MFSD2B: variants seen among roughly 807,000 people sequenced by gnomAD.
MFSD2B encodes sphingosine-1-phosphate transporter MFSD2B.
A neutral mutation model predicts 58.4 loss-of-function variants in MFSD2B; 56 were observed. The ratio of observed to expected loss-of-function variants is 0.96; its 90% confidence interval spans 0.77 to 1.20. The LOEUF (loss-of-function observed/expected upper bound fraction) is 1.20. Ranked by LOEUF, MFSD2B falls within the 50% of genes most tolerant of loss-of-function variation. MFSD2B has a pLI of 0.00. For synonymous variants in MFSD2B, 287 were observed against 294.4 expected (o/e 0.97, Z 0.26); for missense variants, 645 against 667.6 (o/e 0.97, Z 0.37).
rs1229492990 is a variant in MFSD2B, at chr2:24,017,420, C to T, written c.551-38C>T. 6.3e-7 allele frequency: 1 copy of T among 1,597,032 alleles called. No individual in the cohort carries two copies. Among genetic ancestry groups the T allele is most frequent in the South Asian group, 1.1e-5 (1 of 88,058 alleles). On this transcript the variant is annotated intron_variant, in intron 5 of 13. Coordinates refer to ENST00000338315, the MANE Select transcript of MFSD2B (RefSeq NM_001346880.2). The surrounding 1 kb of genome is among the most constrained non-coding windows in gnomAD (Gnocchi z 4.8). ...GGAGGCAACTGCCCCTGGGACCCCA[C>T]TCCCTCTCAGTCACCTTAAGTGGCA...
Position 24,012,189 on chromosome 2 carries a change from C to T in MFSD2B, c.97-1096C>T, listed in dbSNP as rs1573630096. ...ACACACACACACACACAAAAACAGA[C>T]AAAAAAACCCTGCAATAGCAAGCCA... On this transcript the variant is annotated intron_variant, in intron 1 of 13. Coordinates refer to ENST00000338315, the MANE Select transcript of MFSD2B (RefSeq NM_001346880.2). This position sits in a 1 kb window ranked among gnomAD's most constrained non-coding sequence, Gnocchi z 4.5. Among the ~76,000 whole-genome samples, 1 of 132,140 alleles carries T rather than the reference C, an allele frequency of 7.6e-6. No individual in the cohort carries two copies. 86.7% of individuals were successfully genotyped at this position (132,140 alleles called of 152,430 possible).
Position 24,012,320 on chromosome 2 carries a change from C to T in MFSD2B, c.97-965C>T, listed in dbSNP as rs1256404139. Among the ~76,000 whole-genome samples the T allele has an allele frequency of 6.6e-6, 1 of 152,114 alleles. No homozygotes were observed. The highest frequency in any genetic ancestry group is 1.5e-5 in the Non-Finnish European group (1 of 68,020). On this transcript the variant is annotated intron_variant, in intron 1 of 13. Coordinates refer to ENST00000338315, the MANE Select transcript of MFSD2B (RefSeq NM_001346880.2). The surrounding 1 kb of genome is among the most constrained non-coding windows in gnomAD (Gnocchi z 4.5). Reference sequence around the variant, plus strand: ...GGAGTGCAGTGGTGTGATATTTGCTCACTGCAACCTCTGCCTCCCTGGTTC... The same window carrying T: ...GGAGTGCAGTGGTGTGATATTTGCTTACTGCAACCTCTGCCTCCCTGGTTC...
At chr2:24,025,010 G>A (rs1301507730) in intron 13 of MFSD2B, among the ~76,000 whole-genome samples, 1 of 152,172 alleles carries the variant, frequency 6.6e-6, no homozygotes, top group Non-Finnish European at 1.5e-5. Context: ...AGGCCAAGCA[G>A]GTACTCAGGA....
At position 24,021,590 on chromosome 2, in the gene MFSD2B, T is replaced by G; in HGVS notation, c.682-58T>G. The G allele has an allele frequency of 6.7e-7, 1 of 1,498,764 alleles. No homozygotes were observed. The highest frequency in any genetic ancestry group is 2.4e-5 in the East Asian group (1 of 41,938). The allele number at this position is 1,498,764 out of a possible 1,614,324, so 92.8% of individuals were successfully genotyped here. A position where few individuals can be genotyped will look rare whatever the true frequency, so the allele number is the denominator to read the frequency against. ...AGGCAGTACTGCCCTGCCCCTCCGGTGTCACCACCTCCAGGGGTTGAAGAC... is the reference window on the plus strand; with the variant it reads ...AGGCAGTACTGCCCTGCCCCTCCGGGGTCACCACCTCCAGGGGTTGAAGAC... On this transcript the variant is annotated intron_variant, in intron 6 of 13. Transcript: ENST00000338315. This position sits in a 1 kb window ranked among gnomAD's most constrained non-coding sequence, Gnocchi z 5.7.
Position 24,024,225 on chromosome 2 carries a change from C to G in MFSD2B, c.1444C>G (p.Pro482Ala). The stretch of plus-strand genomic sequence containing the variant: ...CTGCATCCTCATGGTCGGCTCCACT[C>G]CAAAGACACCCAGTCGGGACGCCTC... ...GLCILMVGST[P>A]KTPSRDASSR... is the part of the protein sequence containing the mutation. Residue 482 changes from proline to alanine, a missense_variant, in exon 13 of 14, where the codon CCA becomes GCA. Transcript: ENST00000338315. This position sits in a 1 kb window ranked among gnomAD's most constrained non-coding sequence, Gnocchi z 4.3. 6.2e-7 allele frequency: 1 copy of G among 1,612,858 alleles called. No individual in the cohort carries two copies. Among genetic ancestry groups the G allele is most frequent in the African/African-American group, 1.3e-5 (1 of 75,032 alleles).
Position 24,024,070 on chromosome 2 carries a change from T to C in MFSD2B, c.1314-25T>C. The C allele has an allele frequency of 6.2e-7, 1 of 1,611,724 alleles. No homozygotes were observed. Among genetic ancestry groups the C allele is most frequent in the Non-Finnish European group, 8.5e-7 (1 of 1,178,708 alleles). ...GTGCCAGGCTCAGCAGGCCCTGCCC[T>C]AATGGCTGGCTGATGTTTCTCCAGG... is the stretch of plus-strand genomic sequence containing the variant. On this transcript the variant is annotated intron_variant, in intron 12 of 13. Transcript: ENST00000338315. This position sits in a 1 kb window ranked among gnomAD's most constrained non-coding sequence, Gnocchi z 4.3.
intron 6 of MFSD2B, among the ~76,000 whole-genome samples, chr2:24,019,146 C>T (rs1374434246): frequency 3.3e-5 from 5 of 152,056 alleles, no homozygotes; most frequent in South Asian, 2.1e-4. Context: ...CCACCGCGCT[C>T]GACCTGTGCT....
At chr2:24,025,392 C>A (rs771447527) in intron 13 of MFSD2B, 40 bp from the exon 14 acceptor site, 1 of 1,533,738 alleles carries the variant, frequency 6.5e-7, no homozygotes, top group South Asian at 1.2e-5. Context: ...GGGCCCACAC[C>A]ACTTCCATCC....
chr2:24,011,909 C>A (rs1403571141), intron 1 of MFSD2B, among the ~76,000 whole-genome samples: 1 of 152,044 alleles, frequency 6.6e-6, no homozygotes, highest in Non-Finnish European at 1.5e-5. Context: ...ACCAGAATGA[C>A]AAGGAGTCAC....
Position 24,017,418 on chromosome 2 carries a change from C to A in MFSD2B, c.551-40C>A, listed in dbSNP as rs777847162. Reference sequence around the variant, plus strand: ...AGGGAGGCAACTGCCCCTGGGACCCCACTCCCTCTCAGTCACCTTAAGTGG... The same window carrying A: ...AGGGAGGCAACTGCCCCTGGGACCCAACTCCCTCTCAGTCACCTTAAGTGG... On this transcript the variant is annotated intron_variant, in intron 5 of 13. Coordinates refer to ENST00000338315, the MANE Select transcript of MFSD2B (RefSeq NM_001346880.2). The surrounding 1 kb of genome is among the most constrained non-coding windows in gnomAD (Gnocchi z 4.8). 3.8e-6 allele frequency: 6 copies of A among 1,596,134 alleles called. No homozygotes were observed. Among genetic ancestry groups the A allele is most frequent in the Middle Eastern group, 1.7e-4 (1 of 6,058 alleles).
At position 24,016,923 on chromosome 2, in the gene MFSD2B, C is replaced by A. The variant is rs754700806; in HGVS notation, c.426C>A (p.Gly142=). ...TGCCCCCCTTCACCAGCCTGCGAGG[C>A]CTCTGGTACACGACTTTCTACTGCC... ...WFLPPFTSLR[G]LWYTTFYCLF... The change falls in exon 4 of 14, where the codon GGC becomes GGA. Residue 142 remains glycine, a synonymous_variant. Coordinates refer to ENST00000338315, the MANE Select transcript of MFSD2B (RefSeq NM_001346880.2). 2 of 1,613,952 alleles carry A rather than the reference C, an allele frequency of 1.2e-6. No homozygotes were observed. The highest frequency in any genetic ancestry group is 1.7e-6 in the Non-Finnish European group (2 of 1,179,876).
rs942006072 is a variant in MFSD2B at position 24,026,543 on chromosome 2, G to A, written c.*1087G>A. On this transcript the variant is annotated 3_prime_UTR_variant, in exon 14 of 14. Coordinates refer to ENST00000338315, the MANE Select transcript of MFSD2B (RefSeq NM_001346880.2). Reference sequence around the variant, plus strand: ...CGGGAGGGGACAGGGGCTGAAGACTGAGCTCATCATCAATGATTTAATCAA... The same window carrying A: ...CGGGAGGGGACAGGGGCTGAAGACTAAGCTCATCATCAATGATTTAATCAA... 6.6e-6 allele frequency: 1 copy of A among 152,180 alleles called. No individual in the cohort carries two copies. Among genetic ancestry groups the A allele is most frequent in the Non-Finnish European group, 1.5e-5 (1 of 68,030 alleles). 9.4% of individuals were successfully genotyped at this position (152,180 alleles called of 1,614,324 possible).
chr2:24,010,230 C>T (rs1163388929), intron 1 of MFSD2B, 38 bp downstream of exon 1: 2 of 1,327,376 alleles, frequency 1.5e-6, no homozygotes, highest in Non-Finnish European at 1.9e-6. Flanking sequence ...GGGCTGCGTC[C>T]TCGGGGAGCT....
At chr2:24,018,868 T>TTTTTTTG (rs1662638315) in intron 6 of MFSD2B, 1 of 151,366 alleles carries the variant, frequency 6.6e-6, no homozygotes, top group Non-Finnish European at 1.5e-5. Flanking sequence ...TTTTTTTTTT[T>TTTTTTTG]GAGACGGAAT....
intron 2 of MFSD2B, among the ~76,000 whole-genome samples, chr2:24,015,399 C>T (rs1709104974): frequency 6.6e-6 from 1 of 152,066 alleles, no homozygotes; most frequent in Non-Finnish European, 1.5e-5. Flanking sequence ...TTGCAGTGAG[C>T]CGAGATGGTG....
Position 24,022,000 on chromosome 2 carries a change from T to C in MFSD2B, c.894+30T>C, listed in dbSNP as rs762402340. ...CTCTGGCCAGCTGCCCCCGACAGGC[T>C]TGGTGCTGGCCATGCTGACCTTGCA... is the stretch of plus-strand genomic sequence containing the variant. On this transcript the variant is annotated intron_variant, in intron 8 of 13. Coordinates refer to ENST00000338315, the MANE Select transcript of MFSD2B (RefSeq NM_001346880.2). This position sits in a 1 kb window ranked among gnomAD's most constrained non-coding sequence, Gnocchi z 5.7. 6.2e-7 allele frequency: 1 copy of C among 1,613,670 alleles called. No homozygotes were observed. The highest frequency in any genetic ancestry group is 8.5e-7 in the Non-Finnish European group (1 of 1,179,720).
rs1446065999 is a variant in MFSD2B at position 24,017,618 on chromosome 2, A to C, written c.681+30A>C. Reference sequence around the variant, plus strand: ...GTGCACTGGGTGGCAAGGCCCCCCAACCTGGGGTCCCCTCTGCAGGGTCAC... The same window carrying C: ...GTGCACTGGGTGGCAAGGCCCCCCACCCTGGGGTCCCCTCTGCAGGGTCAC... On this transcript the variant is annotated intron_variant, in intron 6 of 13. Coordinates refer to ENST00000338315, the MANE Select transcript of MFSD2B (RefSeq NM_001346880.2). This position sits in a 1 kb window ranked among gnomAD's most constrained non-coding sequence, Gnocchi z 4.8. The C allele has an allele frequency of 2.6e-6, 4 of 1,526,472 alleles. No individual in the cohort carries two copies. Among genetic ancestry groups the C allele is most frequent in the Non-Finnish European group, 3.5e-6 (4 of 1,133,168 alleles). 94.6% of individuals were successfully genotyped at this position (1,526,472 alleles called of 1,614,324 possible).
chr2:24,016,936 A>T lies in MFSD2B; in HGVS notation c.439A>T (p.Thr147Ser), dbSNP rs1001239095. 1.2e-6 allele frequency: 2 copies of T among 1,613,672 alleles called. No individual in the cohort carries two copies. The highest frequency in any genetic ancestry group is 2.7e-5 in the African/African-American group (2 of 74,900). ...FTSLRGLWYT[T>S]FYCLFQALAT... ...CAGCCTGCGAGGCCTCTGGTACACG[A>T]CTTTCTACTGCCTGTTCCAGGCCCT... is the stretch of plus-strand genomic sequence containing the variant. Residue 147 changes from threonine to serine, a missense_variant, in exon 4 of 14, where the codon ACT (threonine) becomes TCT (serine). Thr to Ser is a moderately conservative substitution (Grantham distance 58). Transcript: ENST00000338315.
chr2:24,017,040 C>CTG lies in MFSD2B; in HGVS notation c.471+75_471+76dup. The CTG allele has an allele frequency of 6.4e-7, 1 of 1,568,048 alleles. No individual in the cohort carries two copies. The highest frequency in any genetic ancestry group is 8.7e-7 in the Non-Finnish European group (1 of 1,154,392). ...CTGGCCATGGCCACTCTGAAGTGTG[C>CTG]TGTGGGGGCAGGGCTGCCGCCCTCC... On this transcript the variant is annotated intron_variant, in intron 4 of 13. Coordinates refer to ENST00000338315, the MANE Select transcript of MFSD2B (RefSeq NM_001346880.2). This position sits in a 1 kb window ranked among gnomAD's most constrained non-coding sequence, Gnocchi z 4.8.
Sources: gnomAD v4.1 joint callset for allele counts (sites outside exome capture counted in the v4.1 genomes callset) on GRCh38, gnomAD v4.1.1 for gene constraint, Gnocchi (gnomAD v3.1) non-coding constraint, MANE v1.5 for transcripts, NCBI Gene and HGNC (gene_info 2026-07-23, HGNC 2026-07-21) for gene names.